The following VAPB variants were observed in gnomAD, a reference collection of about 807,000 sequenced individuals.
VAPB encodes the protein vesicle-associated membrane protein-associated protein B/C.
A neutral mutation model predicts 25.6 loss-of-function variants in VAPB; 7 were observed. The observed-to-expected ratio is 0.27, with a 90% CI of 0.16 to 0.51. The LOEUF is 0.51. Among genes scored for constraint, VAPB ranks in the 20% least tolerant of loss-of-function variants. The pLI, the probability that VAPB is intolerant of heterozygous loss-of-function variation, is 0.97. For missense variants in VAPB, 266 were observed against 301.3 expected, an observed-to-expected ratio of 0.88 and a Z score of 0.87; for synonymous variants, 112 against 109.2, an observed-to-expected ratio of 1.03 and a Z score of -0.16.
At chr20:58,391,395 G>T (rs1043185203) in intron 1 of VAPB, among the ~76,000 whole-genome samples, 1 of 150,274 alleles carries the variant, frequency 6.7e-6, no homozygotes, top group Non-Finnish European at 1.5e-5. Flanking sequence ...CCTGAAAGAG[G>T]TGTCATTTGA....
At chr20:58,422,697 T>C (rs768453631) in intron 2 of VAPB, among the ~76,000 whole-genome samples, 5 of 151,594 alleles carry the variant, frequency 3.3e-5, no homozygotes, top group Non-Finnish European at 7.4e-5. Flanking sequence ...GCAGGTGAAG[T>C]GGTAAAATTA....
chr20:58,424,830 G>T (rs1001356521), intron 2 of VAPB, among the ~76,000 whole-genome samples: 1 of 152,122 alleles, frequency 6.6e-6, no homozygotes, highest in African/African-American at 2.4e-5. Context: ...CAGAATACAC[G>T]AACTGGAAAA....
rs570353093 is a variant in VAPB, at chr20:58,437,451, T to C, written c.316-1494T>C. On this transcript the variant is annotated intron_variant, in intron 3 of 5. Transcript: ENST00000475243. Reference sequence around the variant, plus strand: ...GCTGTTGGTGATGCTGTTTGATCACTTGGTTAAGATGGTGACTGCCAGCTC... The same window carrying C: ...GCTGTTGGTGATGCTGTTTGATCACCTGGTTAAGATGGTGACTGCCAGCTC... Among the ~76,000 whole-genome samples, 45 of 152,336 alleles carry C rather than the reference T, an allele frequency of 3.0e-4. 1 individual carries two copies. The highest frequency in any genetic ancestry group is 2.0e-3 in the Admixed American group (31 of 15,298).
intron 1 of VAPB, among the ~76,000 whole-genome samples, chr20:58,392,766 A>G (rs1987838907): frequency 6.6e-6 from 1 of 152,226 alleles, no homozygotes; most frequent in South Asian, 2.1e-4. Flanking sequence ...GGGATTGTAT[A>G]TTGTCAGACT....
At chr20:58,390,508 C>G (rs1234627700) in intron 1 of VAPB, among the ~76,000 whole-genome samples, 1 of 151,708 alleles carries the variant, frequency 6.6e-6, no homozygotes, top group Non-Finnish European at 1.5e-5. Context: ...ATGCACAAGA[C>G]AGATAAGGCC....
At position 58,447,022 on chromosome 20, in the gene VAPB, G is replaced by A. The variant is rs1445106183; in HGVS notation, c.*2787G>A. On this transcript the variant is annotated 3_prime_UTR_variant, in exon 6 of 6. Coordinates refer to ENST00000475243, the MANE Select transcript of VAPB (RefSeq NM_004738.5). Reference sequence around the variant, plus strand: ...GGGACGAAACTGGCATGGAAAGAGCGAGCCTAGGGAGGATGCCGCTGGGCA... The same window carrying A: ...GGGACGAAACTGGCATGGAAAGAGCAAGCCTAGGGAGGATGCCGCTGGGCA... 4.4e-6 allele frequency: 2 copies of A among 453,994 alleles called. No individual in the cohort carries two copies. Among genetic ancestry groups the A allele is most frequent in the South Asian group, 1.6e-5 (1 of 64,474 alleles). The allele number at this position is 453,994 out of a possible 1,614,324, so 28.1% of individuals were successfully genotyped here.
At chr20:58,411,390 T>C (rs1600786979) in intron 1 of VAPB, among the ~76,000 whole-genome samples, 1 of 152,318 alleles carries the variant, frequency 6.6e-6, no homozygotes, top group East Asian at 1.9e-4. Context: ...CAAGTGATCC[T>C]CCTGCCTCAG....
intron 5 of VAPB, among the ~76,000 whole-genome samples, chr20:58,443,121 A>G (rs1174979116): frequency 2.6e-5 from 4 of 152,174 alleles, no homozygotes; most frequent in Non-Finnish European, 4.4e-5. Flanking sequence ...GAGGTGAAGG[A>G]AGAAAAAATT....
chr20:58,394,586 C>T (rs7352156), intron 1 of VAPB, among the ~76,000 whole-genome samples: 10 of 152,200 alleles, frequency 6.6e-5, no homozygotes, highest in East Asian at 1.9e-4. Context: ...TTATCAAAAG[C>T]GGCATTAAAC....
chr20:58,415,011 T>G (rs1186664348), intron 1 of VAPB, among the ~76,000 whole-genome samples: 6 of 152,188 alleles, frequency 3.9e-5, no homozygotes, highest in Non-Finnish European at 8.8e-5. Flanking sequence ...TCACTTGCGG[T>G]TAGGGGCTGG....
chr20:58,393,710 A>AGGTTT (rs1308682405), intron 1 of VAPB, among the ~76,000 whole-genome samples: 2 of 126,436 alleles, frequency 1.6e-5, no homozygotes, highest in African/African-American at 6.1e-5. Context: ...CACTAGGTTA[A>AGGTTT]GGTTTGTTTT....
chr20:58,444,389 A>T lies in VAPB; in HGVS notation c.*154A>T, dbSNP rs781402871. 2 of 975,006 alleles carry T rather than the reference A, an allele frequency of 2.1e-6. No individual in the cohort carries two copies. The highest frequency in any genetic ancestry group is 3.2e-6 in the Non-Finnish European group (2 of 615,772). 60.4% of individuals were successfully genotyped at this position (975,006 alleles called of 1,614,324 possible). A position where few individuals can be genotyped will look rare whatever the true frequency, so the allele number is the denominator to read the frequency against. The stretch of plus-strand genomic sequence containing the variant: ...CCCCTCCCTGCACACACATACACAG[A>T]TACACACACACAAATATAATGTAAC... On this transcript the variant is annotated 3_prime_UTR_variant, in exon 6 of 6. Coordinates refer to ENST00000475243, the MANE Select transcript of VAPB (RefSeq NM_004738.5).
Position 58,438,522 on chromosome 20 carries a change from C to G in VAPB, c.316-423C>G, listed in dbSNP as rs558315660. Among the ~76,000 whole-genome samples, 18 of 152,308 alleles carry G rather than the reference C, an allele frequency of 1.2e-4. No homozygotes were observed. The East Asian group carries it at 3.1e-3, about 26-fold the overall frequency. ...TCAAACTGCTGGGCTCAACCAGTCC[C>G]TCCACCTCAGCCTCCCAAAGTGCTG... On this transcript the variant is annotated intron_variant, in intron 3 of 5. Transcript: ENST00000475243.
At chr20:58,411,051 G>A (rs913862564) in intron 1 of VAPB, among the ~76,000 whole-genome samples, 1 of 152,208 alleles carries the variant, frequency 6.6e-6, no homozygotes, top group Non-Finnish European at 1.5e-5. Flanking sequence ...ACCAAGGAGG[G>A]TGATTGCTGG....
At chr20:58,436,992 C>CTTTTTTTTTTTTTTTT (rs34944837) in intron 3 of VAPB, among the ~76,000 whole-genome samples, 2 of 77,432 alleles carry the variant, frequency 2.6e-5, no homozygotes, top group Admixed American at 1.6e-4. Context: ...AAACTTTGAA[C>CTTTTTTTTTTTTTTTT]TTTTTTTTTT....
chr20:58,391,491 G>A (rs184831623), intron 1 of VAPB, among the ~76,000 whole-genome samples: 1 of 152,142 alleles, frequency 6.6e-6, no homozygotes, highest in African/African-American at 2.4e-5. Flanking sequence ...CATGCACAGA[G>A]GCACAAACAC....
chr20:58,428,956 G>A (rs1267686402), intron 2 of VAPB, among the ~76,000 whole-genome samples: 2 of 152,158 alleles, frequency 1.3e-5, no homozygotes, highest in African/African-American at 4.8e-5. Flanking sequence ...GCTGATGTAG[G>A]AGCCCACAAG....
intron 1 of VAPB, among the ~76,000 whole-genome samples, chr20:58,410,480 G>A (rs1166980355): frequency 3.9e-5 from 6 of 152,052 alleles, no homozygotes; most frequent in Admixed American, 3.3e-4. Context: ...GCAGTGGAGC[G>A]ATCTTCGCTC....
intron 2 of VAPB, among the ~76,000 whole-genome samples, chr20:58,421,767 C>T (rs1265426744): frequency 6.6e-6 from 1 of 152,076 alleles, no homozygotes; most frequent in Non-Finnish European, 1.5e-5. Flanking sequence ...ATGATGTCTG[C>T]CCATGGAGCT....
Sources: allele counts gnomAD v4.1 joint callset (sites outside exome capture counted in the v4.1 genomes callset), GRCh38; gene constraint gnomAD v4.1.1; transcripts MANE v1.5; gene names NCBI Gene and HGNC (gene_info 2026-07-23, HGNC 2026-07-21).